The following LAMC1 variants were observed in gnomAD, a reference collection of about 807,000 sequenced individuals.
LAMC1 encodes the protein laminin subunit gamma 1.
A neutral mutation model predicts 173.6 loss-of-function variants in LAMC1; 38 were observed. The observed-to-expected ratio is 0.22, with a 90% CI of 0.17 to 0.29. The LOEUF is 0.29. LAMC1 is among the 10% of genes least tolerant of loss of function. The probability of loss-of-function intolerance (pLI) is 1.00; values close to 1 mark genes in which losing one functional copy is unlikely to be tolerated. For missense variants in LAMC1, 1,824 were observed against 2,051.8 expected (o/e 0.89, Z 2.14); for synonymous variants, 746 against 749.1 (o/e 1.00, Z 0.07).
At chr1:183,089,082 T>C (rs1056124516) in intron 1 of LAMC1, among the ~76,000 whole-genome samples, 7 of 152,168 alleles carry the variant, frequency 4.6e-5, no homozygotes, top group Admixed American at 4.6e-4. Context: ...TCTTTAGTCA[T>C]GGGGAGCTCC....
intron 1 of LAMC1, among the ~76,000 whole-genome samples, chr1:183,079,364 C>T (rs147811811): frequency 0.025 from 3,731 of 149,182 alleles, 67 homozygotes; most frequent in Admixed American, 0.051. Flanking sequence ...AAGCGATTCT[C>T]CTGCCTCAGC....
At position 183,122,239 on chromosome 1, in the gene LAMC1, A is replaced by G. The variant is rs758786757; in HGVS notation, c.2389A>G (p.Thr797Ala). 17 of 1,614,032 alleles carry G rather than the reference A, an allele frequency of 1.1e-5. No individual in the cohort carries two copies. Among genetic ancestry groups the G allele is most frequent in the Admixed American group, 1.7e-5 (1 of 60,018 alleles). Residue 797 changes from threonine to alanine, a missense_variant, in exon 13 of 28, where the codon ACT (threonine) becomes GCT (alanine). By Grantham distance (58) the Thr-to-Ala change is moderately conservative. Coordinates refer to ENST00000258341, the MANE Select transcript of LAMC1 (RefSeq NM_002293.4). The stretch of plus-strand genomic sequence containing the variant: ...GGAGGTGGTGTGCACCAACTGTCCT[A>G]CTGGCACCACTGGTAAGTCTGCTCG... ...TKEVVCTNCPTGTTGKRCELC... is the reference protein window; with the variant it reads ...TKEVVCTNCPAGTTGKRCELC...
intron 1 of LAMC1, among the ~76,000 whole-genome samples, chr1:183,099,302 C>G (rs1179836073): frequency 6.6e-6 from 1 of 152,056 alleles, no homozygotes; most frequent in Non-Finnish European, 1.5e-5. Flanking sequence ...GTTGGCCAGG[C>G]TAGTCTCGAA....
At chr1:183,110,804 A>G (rs560715713) in intron 4 of LAMC1, 150 bp downstream of exon 4, 1 of 791,600 alleles carries the variant, frequency 1.3e-6, no homozygotes, top group East Asian at 2.5e-5. Context: ...AAGTCAGAGG[A>G]AAGTCATAGA....
intron 1 of LAMC1, among the ~76,000 whole-genome samples, chr1:183,082,480 G>A (rs1175663267): frequency 6.6e-6 from 1 of 152,068 alleles, no homozygotes; most frequent in Non-Finnish European, 1.5e-5. Context: ...CATGAAGCAC[G>A]GTAAAGCAAA....
intron 1 of LAMC1, among the ~76,000 whole-genome samples, chr1:183,081,916 C>G (rs940094105): frequency 6.6e-6 from 1 of 152,288 alleles, no homozygotes; most frequent in East Asian, 1.9e-4. Flanking sequence ...CTTCTCTCCT[C>G]CCCCACCTCC....
At chr1:183,134,998 A>G (rs376667820) in intron 23 of LAMC1, 44 bp from the exon 24 acceptor site, 3 of 1,507,856 alleles carry the variant, frequency 2.0e-6, no homozygotes, top group Non-Finnish European at 2.8e-6. Context: ...GACAGAAGGG[A>G]TTTGCTTTGA....
intron 1 of LAMC1, among the ~76,000 whole-genome samples, chr1:183,049,192 C>G (rs1654344074): frequency 6.6e-6 from 1 of 152,132 alleles, no homozygotes; most frequent in Non-Finnish European, 1.5e-5. Flanking sequence ...TAGTTCTCAG[C>G]AGAATCATCT....
chr1:183,089,319 G>A (rs150550498), intron 1 of LAMC1, among the ~76,000 whole-genome samples: 2 of 152,314 alleles, frequency 1.3e-5, no homozygotes, highest in East Asian at 3.9e-4. Context: ...ACTGTTTAAT[G>A]TTTGCTCTCA....
intron 13 of LAMC1, 138 bp downstream of exon 13, chr1:183,122,389 C>T (rs1656501412): frequency 1.3e-6 from 1 of 757,828 alleles, no homozygotes; most frequent in Non-Finnish European, 2.2e-6. Flanking sequence ...GAAGCTGAGG[C>T]TCACTCTCCT....
chr1:183,064,184 A>C (rs1015387240), intron 1 of LAMC1, among the ~76,000 whole-genome samples: 1 of 152,206 alleles, frequency 6.6e-6, no homozygotes, highest in African/African-American at 2.4e-5. Flanking sequence ...GTGCTTCTAT[A>C]TATATGTATA....
chr1:183,096,142 G>A (rs187047608), intron 1 of LAMC1, among the ~76,000 whole-genome samples: 164 of 152,322 alleles, frequency 1.1e-3, no homozygotes, highest in Non-Finnish European at 1.8e-3. Flanking sequence ...CATTAGGTTA[G>A]TGCTGTGATC....
intron 1 of LAMC1, among the ~76,000 whole-genome samples, chr1:183,043,971 T>C (rs1654203119): frequency 6.6e-6 from 1 of 152,154 alleles, no homozygotes; most frequent in Non-Finnish European, 1.5e-5. Context: ...GTCTGCTCTT[T>C]ATCTGTTTAC....
intron 1 of LAMC1, among the ~76,000 whole-genome samples, chr1:183,079,110 GA>G (rs1161023362): frequency 8.4e-6 from 1 of 118,542 alleles, no homozygotes; most frequent in African/African-American, 2.9e-5. Flanking sequence ...ATTATTTTTA[GA>G]CAGAACCATT....
chr1:183,055,468 T>C (rs1654563419), intron 1 of LAMC1, among the ~76,000 whole-genome samples: 1 of 143,750 alleles, frequency 7.0e-6, no homozygotes, highest in African/African-American at 2.4e-5. Context: ...ATATACCCTA[T>C]TGTGTAAAAA....
intron 1 of LAMC1, among the ~76,000 whole-genome samples, chr1:183,050,541 C>A (rs1654394426): frequency 6.9e-6 from 1 of 145,804 alleles, no homozygotes; most frequent in South Asian, 2.2e-4. Context: ...CTCGGCCTCC[C>A]AAAGTGCTGG....
At position 183,093,272 on chromosome 1, in the gene LAMC1, C is replaced by T. The variant is rs1571435072; in HGVS notation, c.419-10056C>T. Among the ~76,000 whole-genome samples, 4 of 152,318 alleles carry T rather than the reference C, an allele frequency of 2.6e-5. 1 individual carries two copies. In the South Asian group the frequency reaches 8.3e-4, roughly 32 times the overall value. On this transcript the variant is annotated intron_variant, in intron 1 of 27. Transcript: ENST00000258341. The stretch of plus-strand genomic sequence containing the variant: ...CAGTTCTAACAAAGCACTTCAAGGT[C>T]ACACCTCCAGGTTGCCAAATCCAGT...
chr1:183,086,515 ATTGT>A (rs35504590), intron 1 of LAMC1, among the ~76,000 whole-genome samples: 50,551 of 151,878 alleles, frequency 0.33, 9,533 homozygotes, highest in East Asian at 0.48. Context: ...GAGATGCTGG[ATTGT>A]TTGTTTGGAG....
intron 20 of LAMC1, 145 bp downstream of exon 20, chr1:183,131,523 CTT>C (rs1038970600): frequency 1.9e-5 from 11 of 565,536 alleles, no homozygotes; most frequent in Non-Finnish European, 3.2e-5. Flanking sequence ...ACTTTGCTCT[CTT>C]TTCTAAGATA....
Sources: gnomAD v4.1 joint callset for allele counts (sites outside exome capture counted in the v4.1 genomes callset) on GRCh38, gnomAD v4.1.1 for gene constraint, MANE v1.5 for transcripts, NCBI Gene and HGNC (gene_info 2026-07-23, HGNC 2026-07-21) for gene names.